The following DOCK8 variants were observed in gnomAD, a reference collection of about 807,000 sequenced individuals.
DOCK8 encodes the protein dedicator of cytokinesis protein 8.
A neutral mutation model predicts 245.6 loss-of-function variants in DOCK8; 141 were observed. The ratio of observed to expected loss-of-function variants is 0.57; its 90% confidence interval spans 0.50 to 0.66. DOCK8 has a LOEUF of 0.66. DOCK8 is among the 30% of genes least tolerant of loss of function. The pLI is 0.00. For missense variants in DOCK8, 2,965 were observed against 2,603.4 expected (o/e 1.14, Z -3.02); for synonymous variants, 1,168 against 970.2 (o/e 1.20, Z -3.79).
At position 328,314 on chromosome 9, in the gene DOCK8, T is replaced by G. The variant is rs553900484; in HGVS notation, c.1044+143T>G. ...TTGTTTCCTTCTCAGTTTACCCCTT[T>G]TCCGTTCTAAGTAAACTGTTTCAGA... is the stretch of plus-strand genomic sequence containing the variant. On this transcript the variant is annotated intron_variant, in intron 9 of 47. Transcript: ENST00000432829. 137 of 1,173,364 alleles carry G rather than the reference T, an allele frequency of 1.2e-4. 2 individuals are homozygous for G. In the South Asian group the frequency reaches 1.7e-3, roughly 15 times the overall value. The allele number at this position is 1,173,364 out of a possible 1,614,324, so 72.7% of individuals were successfully genotyped here. A position where few individuals can be genotyped will look rare whatever the true frequency, so the allele number is the denominator to read the frequency against.
intron 14 of DOCK8, among the ~76,000 whole-genome samples, chr9:352,632 A>G (rs1268753707): frequency 1.3e-5 from 2 of 151,940 alleles, no homozygotes; most frequent in African/African-American, 4.8e-5. Context: ...AATCCCAGCT[A>G]CTTGGGAGGC....
In DOCK8 at chr9:382,948, C is replaced by CTAA. The variant is rs1333585887; in HGVS notation, c.2778+263_2778+264insTAA. ...TTTTAAAGCATCAGGGGTTTAGCCA[C>CTAA]ATGGAGTCATGTGGCTAAACCATGC... On this transcript the variant is annotated intron_variant, in intron 22 of 47. Coordinates refer to ENST00000432829, the MANE Select transcript of DOCK8 (RefSeq NM_203447.4). 4.5e-4 allele frequency among the ~76,000 whole-genome samples: 68 copies of CTAA among 152,092 alleles called. 1 individual carries two copies. Among genetic ancestry groups the CTAA allele is most frequent in the Non-Finnish European group, 7.1e-4 (48 of 67,968 alleles).
chr9:342,399 A>G (rs753944066), intron 14 of DOCK8, among the ~76,000 whole-genome samples: 2 of 149,748 alleles, frequency 1.3e-5, no homozygotes, highest in Non-Finnish European at 3.0e-5. Flanking sequence ...GAACTTTTTA[A>G]TGGCTTGCAT....
Position 215,004 on chromosome 9 carries a change from C to G in DOCK8, c.28C>G (p.Arg10Gly). 2 of 1,593,656 alleles carry G rather than the reference C, an allele frequency of 1.3e-6. No individual in the cohort carries two copies. The highest frequency in any genetic ancestry group is 1.7e-6 in the Non-Finnish European group (2 of 1,174,924). Reference sequence around the variant, plus strand: ...GGCCACTCTGCCGAGCGCAGAGCGCCGCGCGTTCGCGCTCAAGATCAACAG... The same window carrying G: ...GGCCACTCTGCCGAGCGCAGAGCGCGGCGCGTTCGCGCTCAAGATCAACAG... The part of the protein sequence containing the change: MATLPSAER[R>G]AFALKINRYS... The change falls in exon 1 of 48, where the codon CGC (arginine) becomes GGC (glycine). Residue 10 changes from arginine (R) to glycine (G), a missense_variant. Arg to Gly is a moderately radical substitution (Grantham distance 125). Transcript: ENST00000432829.
chr9:361,867 A>G (rs1458552698), intron 14 of DOCK8, among the ~76,000 whole-genome samples: 1 of 152,168 alleles, frequency 6.6e-6, no homozygotes, highest in East Asian at 1.9e-4. Flanking sequence ...ACCTTCATGC[A>G]TATTCAATTT....
At chr9:403,892 C>CTCTCTATA (rs1362630372) in intron 26 of DOCK8, among the ~76,000 whole-genome samples, 1 of 73,752 alleles carries the variant, frequency 1.4e-5, no homozygotes, top group Non-Finnish European at 2.3e-5. Context: ...CTCTCTCTCT[C>CTCTCTATA]TATATATATA....
At chr9:366,658 T>G (rs2053015608) in intron 14 of DOCK8, 1 of 152,186 alleles carries the variant, frequency 6.6e-6, no homozygotes, top group Non-Finnish European at 1.5e-5. Context: ...GTCAAAACAT[T>G]TGGGGAAAGA....
intron 18 of DOCK8, among the ~76,000 whole-genome samples, chr9:372,523 C>T (rs1040606236): frequency 1.3e-5 from 2 of 152,192 alleles, no homozygotes; most frequent in African/African-American, 4.8e-5. Context: ...CTTGCATTAT[C>T]TACCACAGAG....
At chr9:393,045 C>G (rs10973744) in intron 24 of DOCK8, among the ~76,000 whole-genome samples, 25,447 of 131,220 alleles carry the variant, frequency 0.19, 2,422 homozygotes, top group Middle Eastern at 0.3. Context: ...TTGATCATGC[C>G]ATTGCACTCC....
intron 24 of DOCK8, among the ~76,000 whole-genome samples, chr9:395,675 C>G (rs940935603): frequency 1.3e-5 from 2 of 151,744 alleles, no homozygotes; most frequent in African/African-American, 4.8e-5. Flanking sequence ...ATAGTGTAAG[C>G]AACTTCCAAC....
chr9:410,543 G>A (rs1288060875), intron 28 of DOCK8, among the ~76,000 whole-genome samples: 2 of 152,146 alleles, frequency 1.3e-5, no homozygotes, highest in African/African-American at 2.4e-5. Flanking sequence ...GTGGACGTTA[G>A]AACTCATTTC....
intron 3 of DOCK8, among the ~76,000 whole-genome samples, chr9:287,338 C>T (rs771674996): frequency 9.2e-5 from 14 of 152,092 alleles, no homozygotes; most frequent in Non-Finnish European, 1.3e-4. Flanking sequence ...CTAAATGAAA[C>T]GCCTGTTGCT....
At chr9:411,622 T>G (rs1325237895) in intron 28 of DOCK8, among the ~76,000 whole-genome samples, 1 of 152,046 alleles carries the variant, frequency 6.6e-6, no homozygotes, top group Non-Finnish European at 1.5e-5. Flanking sequence ...TACCCTATAC[T>G]AAACCAGACA....
intron 28 of DOCK8, among the ~76,000 whole-genome samples, chr9:409,124 C>A (rs1351975678): frequency 6.6e-6 from 1 of 150,834 alleles, no homozygotes; most frequent in Admixed American, 6.6e-5. Context: ...TTTTCTTTTG[C>A]TTCCAAGACA....
At chr9:256,480 A>G (rs1005613695) in intron 1 of DOCK8, among the ~76,000 whole-genome samples, 1 of 152,168 alleles carries the variant, frequency 6.6e-6, no homozygotes, top group African/African-American at 2.4e-5. Flanking sequence ...TGTTATGAGG[A>G]TAAATTTGGC....
At chr9:340,654 G>A in intron 14 of DOCK8, 1 of 220,550 alleles carries the variant, frequency 4.5e-6, no homozygotes, top group Non-Finnish European at 9.3e-6. Flanking sequence ...GCAGGTTCTT[G>A]GAAAACCGTT....
intron 11 of DOCK8, 31 bp from the exon 12 acceptor site, chr9:336,551 T>C (rs2051320882): frequency 6.2e-7 from 1 of 1,613,968 alleles, no homozygotes; most frequent in Admixed American, 1.7e-5. Flanking sequence ...CAGAAAGGCA[T>C]ACTTTGGAGT....
chr9:364,076 G>C (rs150843595), intron 14 of DOCK8, among the ~76,000 whole-genome samples: 1 of 152,066 alleles, frequency 6.6e-6, no homozygotes, highest in African/African-American at 2.4e-5. Flanking sequence ...GAATATAAGG[G>C]GATTCTTCCA....
rs1036360183 is a variant in DOCK8 at position 403,183 on chromosome 9, C to A, written c.3235-1735C>A. 2.6e-5 allele frequency among the ~76,000 whole-genome samples: 4 copies of A among 152,162 alleles called. No individual in the cohort carries two copies. The East Asian group carries it at 7.7e-4, about 29-fold the overall frequency. ...GGATTACAGGTGTGAGCCACCACACCCAGCCTGAAATGTCTGTCTTGAATG... is the reference window on the plus strand; with the variant it reads ...GGATTACAGGTGTGAGCCACCACACACAGCCTGAAATGTCTGTCTTGAATG... On this transcript the variant is annotated intron_variant, in intron 26 of 47. Coordinates refer to ENST00000432829, the MANE Select transcript of DOCK8 (RefSeq NM_203447.4).
Sources: allele counts gnomAD v4.1 joint callset (sites outside exome capture counted in the v4.1 genomes callset), GRCh38; gene constraint gnomAD v4.1.1; transcripts MANE v1.5; gene names NCBI Gene and HGNC (gene_info 2026-07-23, HGNC 2026-07-21).